Variants in TRIQK observed in about 807,000 individuals in gnomAD.
TRIQK encodes the protein triple QxxK/R motif-containing protein.
TRIQK carries 10 observed loss-of-function variants against 10.8 expected under a neutral mutation model. The ratio of observed to expected loss-of-function variants is 0.92; its 90% CI spans 0.57 to 1.57. The LOEUF is 1.57. TRIQK is among the 40% of genes most tolerant of loss of function. TRIQK has a pLI of 0.00. For synonymous variants in TRIQK, 33 were observed against 33.7 expected, an observed-to-expected ratio of 0.98 and a Z score of 0.07; for missense variants, 107 against 97.7, an observed-to-expected ratio of 1.09 and a Z score of -0.40.
intron 1 of TRIQK, among the ~76,000 whole-genome samples, chr8:93,017,397 A>G (rs187359407): frequency 2.0e-5 from 3 of 152,294 alleles, no homozygotes; most frequent in Admixed American, 1.3e-4. Flanking sequence ...CTGTAGCAAA[A>G]TAGGCTTCTT....
intron 2 of TRIQK, among the ~76,000 whole-genome samples, chr8:92,943,224 T>C (rs1244372145): frequency 6.6e-6 from 1 of 152,148 alleles, no homozygotes; most frequent in Non-Finnish European, 1.5e-5. Flanking sequence ...GAAGAATCAC[T>C]ATTGTAAAAA....
intron 2 of TRIQK, among the ~76,000 whole-genome samples, chr8:92,942,631 A>C (rs979993551): frequency 3.3e-5 from 5 of 152,206 alleles, no homozygotes; most frequent in Non-Finnish European, 7.3e-5. Flanking sequence ...ATTATCTTAC[A>C]TGGAGAAAAT....
rs987590909 is a variant in TRIQK, at chr8:92,885,189, G to C, written c.*1433C>G. 1 of 351,744 alleles carries C rather than the reference G, an allele frequency of 2.8e-6. No homozygotes were observed. The highest frequency in any genetic ancestry group is 2.2e-5 in the African/African-American group (1 of 46,452). The allele number at this position is 351,744 out of a possible 1,614,324, so 21.8% of individuals were successfully genotyped here. A position where few individuals can be genotyped will look rare whatever the true frequency, so the allele number is the denominator to read the frequency against. ...TTTTCACACCAATGAAATAAATTAT[G>C]CTACTTGAAAAAAATTCTACAGAAC... is the stretch of plus-strand genomic sequence containing the variant. On this transcript the variant is annotated 3_prime_UTR_variant, in exon 5 of 5. Coordinates refer to ENST00000521988, the MANE Select transcript of TRIQK (RefSeq NM_001171797.2).
chr8:92,965,289 A>T (rs1341898160), intron 1 of TRIQK: 1 of 152,178 alleles, frequency 6.6e-6, no homozygotes, highest in East Asian at 1.9e-4. Context: ...AAGAAACCTA[A>T]TCTCCAATCC....
intron 3 of TRIQK, among the ~76,000 whole-genome samples, chr8:92,910,133 T>A (rs147440069): frequency 6.6e-6 from 1 of 151,608 alleles, no homozygotes; most frequent in East Asian, 1.9e-4. Context: ...TCTGTGAACA[T>A]CATTAGAGAT....
At chr8:93,015,458 C>CTT (rs5893234) in intron 1 of TRIQK, among the ~76,000 whole-genome samples, 5 of 137,188 alleles carry the variant, frequency 3.6e-5, no homozygotes, top group East Asian at 4.2e-4. Flanking sequence ...AAAGCATAAG[C>CTT]TTTTTTTTTT....
chr8:92,891,998 T>C lies in TRIQK; in HGVS notation c.138A>G (p.Ile46Met). 5 of 1,533,100 alleles carry C rather than the reference T, an allele frequency of 3.3e-6. No individual in the cohort carries two copies. Among genetic ancestry groups the C allele is most frequent in the Non-Finnish European group, 4.4e-6 (5 of 1,144,106 alleles). The allele number at this position is 1,533,100 out of a possible 1,614,324, so 95.0% of individuals were successfully genotyped here. ...TCAAATAGAGGTTTACCTTTATGCC[T>C]ATTGCTGTTTTCTTTGCTTCTGCTT... is the stretch of plus-strand genomic sequence containing the variant. ...KLKAEAKKTAIGIKEVGLVLA... is the reference protein window; with the variant it reads ...KLKAEAKKTAMGIKEVGLVLA... Residue 46 changes from isoleucine to methionine, a missense_variant, in exon 4 of 5, where the codon ATA (isoleucine) becomes ATG (methionine). By Grantham distance (10) the Ile-to-Met change is conservative (BLOSUM62 1). Coordinates refer to ENST00000521988, the MANE Select transcript of TRIQK (RefSeq NM_001171797.2).
intron 1 of TRIQK, among the ~76,000 whole-genome samples, chr8:92,964,571 A>T (rs1276137592): frequency 1.3e-5 from 2 of 150,220 alleles, no homozygotes; most frequent in Non-Finnish European, 3.0e-5. Flanking sequence ...TGAATAGATG[A>T]GTTAATTTCT....
intron 1 of TRIQK, among the ~76,000 whole-genome samples, chr8:93,002,164 A>G (rs1813217190): frequency 6.6e-6 from 1 of 152,162 alleles, no homozygotes; most frequent in Admixed American, 6.5e-5. Flanking sequence ...ATACTTGTAT[A>G]AAAAAGAAAC....
chr8:92,884,132 T>A lies in TRIQK; in HGVS notation c.*2490A>T, dbSNP rs1259545286. 1 of 151,874 alleles carries A rather than the reference T, an allele frequency of 6.6e-6. No homozygotes were observed. The highest frequency in any genetic ancestry group is 1.5e-5 in the Non-Finnish European group (1 of 67,878). The allele number at this position is 151,874 out of a possible 1,614,324, so 9.4% of individuals were successfully genotyped here. A position where few individuals can be genotyped will look rare whatever the true frequency, so the allele number is the denominator to read the frequency against. On this transcript the variant is annotated 3_prime_UTR_variant, in exon 5 of 5. Coordinates refer to ENST00000521988, the MANE Select transcript of TRIQK (RefSeq NM_001171797.2). ...TTCTAAATTACTCTGAGCAGTGAAT[T>A]ACTGGAGGGAAGATACCCATGTCTA... is the stretch of plus-strand genomic sequence containing the variant.
At chr8:92,983,916 G>A (rs1378465540) in intron 1 of TRIQK, among the ~76,000 whole-genome samples, 1 of 152,058 alleles carries the variant, frequency 6.6e-6, no homozygotes, top group Non-Finnish European at 1.5e-5. Context: ...TTGCTAATCA[G>A]TTCAGCTCAA....
At chr8:92,935,546 A>G (rs959872609) in intron 2 of TRIQK, among the ~76,000 whole-genome samples, 6 of 151,650 alleles carry the variant, frequency 4.0e-5, no homozygotes, top group Non-Finnish European at 8.9e-5. Flanking sequence ...ATGAACCAAA[A>G]AGGAAATAAT....
chr8:92,956,949 A>T (rs1020936865), intron 1 of TRIQK, among the ~76,000 whole-genome samples: 1 of 151,880 alleles, frequency 6.6e-6, no homozygotes, highest in Non-Finnish European at 1.5e-5. Context: ...TGTGGCAAAC[A>T]CTGTGGTAAG....
At chr8:92,996,652 G>A (rs1277205832) in intron 1 of TRIQK, among the ~76,000 whole-genome samples, 2 of 151,754 alleles carry the variant, frequency 1.3e-5, no homozygotes, top group African/African-American at 2.4e-5. Context: ...AATATTGAAT[G>A]GTTATGTTAA....
chr8:92,928,810 G>C lies in TRIQK; in HGVS notation c.-21-11800C>G, dbSNP rs188694821. Among the ~76,000 whole-genome samples the C allele has an allele frequency of 3.3e-5, 5 of 152,244 alleles. No homozygotes were observed. In the East Asian group the frequency reaches 7.7e-4, roughly 24 times the overall value. ...TTTCTAATGATCCCCTGAAACTTTA[G>C]ACTTTTTCTGAATTCAGTAGGAAAA... On this transcript the variant is annotated intron_variant, in intron 2 of 4. Transcript: ENST00000521988.
intron 3 of TRIQK, among the ~76,000 whole-genome samples, chr8:92,895,516 G>A (rs147090048): frequency 5.3e-5 from 8 of 152,278 alleles, no homozygotes; most frequent in Non-Finnish European, 7.4e-5. Flanking sequence ...GAAATGGTGA[G>A]ATGTAAGGAA....
At chr8:92,992,778 G>A (rs1451588807) in intron 1 of TRIQK, among the ~76,000 whole-genome samples, 1 of 152,098 alleles carries the variant, frequency 6.6e-6, no homozygotes, top group East Asian at 1.9e-4. Flanking sequence ...TGAAACAGAA[G>A]ACTGAGTAAA....
intron 3 of TRIQK, among the ~76,000 whole-genome samples, chr8:92,910,702 G>A (rs1809523613): frequency 6.6e-6 from 1 of 150,586 alleles, no homozygotes; most frequent in South Asian, 2.1e-4. Context: ...ACAAAAAGAA[G>A]TCTAAACAGA....
intron 3 of TRIQK, among the ~76,000 whole-genome samples, chr8:92,909,062 T>C (rs1010914264): frequency 2.0e-5 from 3 of 151,966 alleles, no homozygotes; most frequent in Non-Finnish European, 4.4e-5. Context: ...TGTTTAGTTA[T>C]TATATTGCAA....
Sources: gnomAD v4.1 joint callset for allele counts (sites outside exome capture counted in the v4.1 genomes callset) on GRCh38, gnomAD v4.1.1 for gene constraint, MANE v1.5 for transcripts, NCBI Gene and HGNC (gene_info 2026-07-23, HGNC 2026-07-21) for gene names.